SPOCK1: variants seen among roughly 807,000 people sequenced by gnomAD.
SPOCK1 encodes testican-1.
In SPOCK1, 23 loss-of-function variants were observed where a neutral mutation model predicts 55.3. The observed-to-expected ratio is 0.42, with a 90% CI of 0.30 to 0.59. SPOCK1 has a LOEUF of 0.59. SPOCK1 is among the 20% of genes least tolerant of loss of function. SPOCK1 has a pLI of 0.22. For synonymous variants in SPOCK1, 226 were observed against 221.0 expected, an observed-to-expected ratio of 1.02 and a Z score of -0.20; for missense variants, 499 against 552.5, an observed-to-expected ratio of 0.90 and a Z score of 0.97.
intron 2 of SPOCK1, among the ~76,000 whole-genome samples, chr5:137,424,244 G>A (rs7730031): frequency 0.08 from 12,220 of 152,096 alleles, 1,252 homozygotes; most frequent in African/African-American, 0.24. Flanking sequence ...AGCCAGGCAC[G>A]GTGGCATGCA....
At chr5:137,262,555 C>T (rs761656518) in intron 3 of SPOCK1, among the ~76,000 whole-genome samples, 4 of 152,214 alleles carry the variant, frequency 2.6e-5, no homozygotes, top group Admixed American at 6.5e-5. Flanking sequence ...CCCCAAGAGA[C>T]GTCTTCCTTA....
rs56328555 is a variant in SPOCK1, at chr5:137,233,713, C to CTTTTTTTTT, written c.232+33288_232+33296dup. 7.4e-4 allele frequency among the ~76,000 whole-genome samples: 43 copies of CTTTTTTTTT among 58,408 alleles called. 1 individual carries two copies. The highest frequency in any genetic ancestry group is 0.011 in the Middle Eastern group (1 of 88). The allele number at this position is 58,408 out of a possible 152,430, so 38.3% of individuals were successfully genotyped here. ...TTCATTGTTAGTATGAGGATATGCA[C>CTTTTTTTTT]TTTTTTTTTTTTTTTTTTTTTTTTT... On this transcript the variant is annotated intron_variant, in intron 3 of 10. Transcript: ENST00000394945.
At position 137,323,087 on chromosome 5, in the gene SPOCK1, C is replaced by T. The variant is rs147882907; in HGVS notation, c.187-56032G>A. Among the ~76,000 whole-genome samples the T allele has an allele frequency of 3.3e-3, 506 of 152,298 alleles. 4 individuals carry two copies. The highest frequency in any genetic ancestry group is 0.011 in the African/African-American group (447 of 41,564). ...ATCACCTCTCATTAGGCCCCACCTC[C>T]AAACACTGCTGCACTGGGGATTAAG... On this transcript the variant is annotated intron_variant, in intron 2 of 10. Transcript: ENST00000394945.
chr5:137,459,287 T>TC (rs1753430429), intron 2 of SPOCK1, among the ~76,000 whole-genome samples: 1 of 152,142 alleles, frequency 6.6e-6, no homozygotes, highest in Non-Finnish European at 1.5e-5. Context: ...AACAAAGCAG[T>TC]CCCTGTGACC....
chr5:137,102,809 C>T (rs965354093), intron 5 of SPOCK1, among the ~76,000 whole-genome samples: 1 of 152,076 alleles, frequency 6.6e-6, no homozygotes, highest in African/African-American at 2.4e-5. Flanking sequence ...ACTGTGAGAG[C>T]TAGATGAAAT....
intron 2 of SPOCK1, among the ~76,000 whole-genome samples, chr5:137,480,446 T>C (rs997081430): frequency 6.6e-6 from 1 of 152,162 alleles, no homozygotes; most frequent in African/African-American, 2.4e-5. Context: ...ACTAATCCTA[T>C]TATGTGGCCT....
In SPOCK1 at chr5:137,280,894, G is replaced by C. The variant is rs1009485482; in HGVS notation, c.187-13839C>G. 1.2e-4 allele frequency among the ~76,000 whole-genome samples: 19 copies of C among 152,248 alleles called. 1 individual carries two copies. The highest frequency in any genetic ancestry group is 4.6e-4 in the African/African-American group (19 of 41,546). On this transcript the variant is annotated intron_variant, in intron 2 of 10. Coordinates refer to ENST00000394945, the MANE Select transcript of SPOCK1 (RefSeq NM_004598.4). ...CTCCCAGCGCTCAGAGGCCTGCAAA[G>C]GAAGGACAGACACCTCCACCAATGT...
At position 137,196,985 on chromosome 5, in the gene SPOCK1, G is replaced by A. The variant is rs150098398; in HGVS notation, c.233-56291C>T. Reference sequence around the variant, plus strand: ...GCAAAGAAAATAACCTAGTCACCCCGGAGCTGTTGAAGAAATCCAGGCAAA... The same window carrying A: ...GCAAAGAAAATAACCTAGTCACCCCAGAGCTGTTGAAGAAATCCAGGCAAA... On this transcript the variant is annotated intron_variant, in intron 3 of 10. Coordinates refer to ENST00000394945, the MANE Select transcript of SPOCK1 (RefSeq NM_004598.4). Among the ~76,000 whole-genome samples, 688 of 152,242 alleles carry A rather than the reference G, an allele frequency of 4.5e-3. 8 individuals are homozygous for A. Among genetic ancestry groups the A allele is most frequent in the African/African-American group, 0.015 (627 of 41,550 alleles).
intron 2 of SPOCK1, among the ~76,000 whole-genome samples, chr5:137,276,097 C>T (rs540560576): frequency 6.6e-6 from 1 of 152,336 alleles, no homozygotes; most frequent in Non-Finnish European, 1.5e-5. Context: ...CCAAGCCCAT[C>T]AGCCCAGCTC....
At chr5:137,274,029 T>C (rs1422257277) in intron 2 of SPOCK1, among the ~76,000 whole-genome samples, 1 of 152,204 alleles carries the variant, frequency 6.6e-6, no homozygotes, top group Non-Finnish European at 1.5e-5. Context: ...CCATCCAAGC[T>C]GGGGTGGAGA....
chr5:136,982,844 AAT>A (rs1384611202), intron 9 of SPOCK1, among the ~76,000 whole-genome samples: 6 of 152,290 alleles, frequency 3.9e-5, no homozygotes, highest in Admixed American at 3.9e-4. Context: ...AAGCTGACTG[AAT>A]CTTAGATGGT....
chr5:137,068,315 C>A (rs974965703), intron 5 of SPOCK1, among the ~76,000 whole-genome samples: 2 of 152,118 alleles, frequency 1.3e-5, no homozygotes, highest in Non-Finnish European at 2.9e-5. Context: ...TGAGGCTCAG[C>A]CCCTTCCCCT....
chr5:137,009,280 T>A (rs1358681880), intron 6 of SPOCK1, among the ~76,000 whole-genome samples: 1 of 152,200 alleles, frequency 6.6e-6, no homozygotes, highest in Non-Finnish European at 1.5e-5. Flanking sequence ...TATAAGGCTA[T>A]CTATAACAGC....
At chr5:137,109,917 C>A (rs1218398274) in intron 5 of SPOCK1, among the ~76,000 whole-genome samples, 1 of 152,138 alleles carries the variant, frequency 6.6e-6, no homozygotes, top group Non-Finnish European at 1.5e-5. Context: ...TGCTTGGTTA[C>A]CTGTTTATTT....
At chr5:137,213,316 G>A (rs907877483) in intron 3 of SPOCK1, among the ~76,000 whole-genome samples, 2 of 152,178 alleles carry the variant, frequency 1.3e-5, no homozygotes, top group African/African-American at 4.8e-5. Flanking sequence ...TAACAAGTAA[G>A]TGCAGAAACA....
chr5:137,165,255 G>C (rs1030390778), intron 3 of SPOCK1, among the ~76,000 whole-genome samples: 3 of 152,202 alleles, frequency 2.0e-5, no homozygotes, highest in Admixed American at 2.0e-4. Flanking sequence ...AGAAAGCAAG[G>C]AAAGAGACCA....
chr5:136,979,211 T>C, intron 10 of SPOCK1, 121 bp downstream of exon 10: 1 of 1,397,710 alleles, frequency 7.2e-7, no homozygotes, highest in Non-Finnish European at 9.7e-7. Context: ...ACTATGCCTC[T>C]ATTATAAACT....
At chr5:137,051,487 T>C (rs1273609354) in intron 6 of SPOCK1, among the ~76,000 whole-genome samples, 1 of 152,174 alleles carries the variant, frequency 6.6e-6, no homozygotes, top group Non-Finnish European at 1.5e-5. Flanking sequence ...TAGGTGAAAT[T>C]TTATCTGGTC....
At chr5:137,126,941 C>T (rs958899666) in intron 4 of SPOCK1, among the ~76,000 whole-genome samples, 7 of 152,128 alleles carry the variant, frequency 4.6e-5, no homozygotes, top group Admixed American at 6.5e-5. Flanking sequence ...TGATTGCTTA[C>T]AGTAAAATGA....
Sources: gnomAD v4.1 joint callset for allele counts (sites outside exome capture counted in the v4.1 genomes callset) on GRCh38, gnomAD v4.1.1 for gene constraint, MANE v1.5 for transcripts, NCBI Gene and HGNC (gene_info 2026-07-23, HGNC 2026-07-21) for gene names.